Variants in CDH13 observed in about 807,000 individuals in gnomAD.
The protein encoded by CDH13 is cadherin 13, also known as cadherin-13.
CDH13 carries 24 observed loss-of-function variants against 63.8 expected under a neutral mutation model. The ratio of observed to expected loss-of-function variants is 0.38; its 90% CI spans 0.27 to 0.53. The LOEUF (loss-of-function observed/expected upper bound fraction) is 0.53. Among genes scored for constraint, CDH13 ranks in the 20% least tolerant of loss-of-function variants. The probability of loss-of-function intolerance (pLI) is 0.85; values close to 1 mark genes in which losing one functional copy is unlikely to be tolerated. For synonymous variants in CDH13, 503 were observed against 355.3 expected (o/e 1.42, Z -4.67); for missense variants, 1,049 against 903.1 (o/e 1.16, Z -2.07).
rs189070331 is a variant in CDH13 at position 82,716,168 on chromosome 16, C to T, written c.45+89031C>T. Among the ~76,000 whole-genome samples, 6 of 152,290 alleles carry T rather than the reference C, an allele frequency of 3.9e-5. No individual in the cohort carries two copies. The East Asian group carries it at 9.7e-4, about 25-fold the overall frequency. The stretch of plus-strand genomic sequence containing the variant: ...AGAGCCATGGCACTCCTCAATCCCC[C>T]GAGGAGCCTGGAAAAGACTTCCCTC... On this transcript the variant is annotated intron_variant, in intron 1 of 13. Transcript: ENST00000567109.
At chr16:83,414,627 T>C (rs9940088) in intron 6 of CDH13, among the ~76,000 whole-genome samples, 17,642 of 152,172 alleles carry the variant, frequency 0.12, 1,151 homozygotes, top group African/African-American at 0.18. Flanking sequence ...GTTTGGGTTA[T>C]ATGACTATTT....
chr16:83,251,582 T>C (rs1271490830), intron 5 of CDH13, among the ~76,000 whole-genome samples: 1 of 152,220 alleles, frequency 6.6e-6, no homozygotes, highest in African/African-American at 2.4e-5. Context: ...GAATCCTGAA[T>C]GTCAGGAGGC....
chr16:83,239,683 C>A lies in CDH13; in HGVS notation c.636+22186C>A, dbSNP rs929757876. On this transcript the variant is annotated intron_variant, in intron 5 of 13. Transcript: ENST00000567109. ...TCCACTTGTTCTACTCTCATTCACT[C>A]ACTGGCTAATTCAACAGATACCTAC... is the stretch of plus-strand genomic sequence containing the variant. 2.0e-5 allele frequency among the ~76,000 whole-genome samples: 3 copies of A among 152,208 alleles called. No individual in the cohort carries two copies. In the East Asian group the frequency reaches 5.8e-4, roughly 29 times the overall value.
chr16:82,720,841 C>A (rs530371226), intron 1 of CDH13, among the ~76,000 whole-genome samples: 4 of 152,168 alleles, frequency 2.6e-5, no homozygotes, highest in Non-Finnish European at 5.9e-5. Flanking sequence ...GCAAAAGGCC[C>A]TCGCCTGGCT....
At chr16:82,970,035 C>T (rs1386053372) in intron 2 of CDH13, among the ~76,000 whole-genome samples, 1 of 151,868 alleles carries the variant, frequency 6.6e-6, no homozygotes, top group Non-Finnish European at 1.5e-5. Flanking sequence ...TTTGCTGCAT[C>T]TGTCAATCCG....
At chr16:83,143,862 T>G (rs1003670000) in intron 4 of CDH13, among the ~76,000 whole-genome samples, 1 of 151,994 alleles carries the variant, frequency 6.6e-6, no homozygotes, top group Non-Finnish European at 1.5e-5. Context: ...TCCTTGGAAT[T>G]TGCTGCTTTG....
intron 7 of CDH13, among the ~76,000 whole-genome samples, chr16:83,510,398 C>G (rs1299359393): frequency 6.6e-6 from 1 of 152,082 alleles, no homozygotes; most frequent in Non-Finnish European, 1.5e-5. Context: ...CCTTCTGCAG[C>G]CCACAAAATG....
chr16:82,691,646 T>C (rs554216692), intron 1 of CDH13, among the ~76,000 whole-genome samples: 1 of 152,348 alleles, frequency 6.6e-6, no homozygotes, highest in African/African-American at 2.4e-5. Context: ...AAATACATTA[T>C]AAGCCTGTTG....
intron 6 of CDH13, among the ~76,000 whole-genome samples, chr16:83,391,277 C>T (rs961713558): frequency 6.6e-6 from 1 of 151,654 alleles, no homozygotes; most frequent in African/African-American, 2.4e-5. Flanking sequence ...ATGATCTTGG[C>T]TTACTGCAAC....
At chr16:82,785,578 A>C (rs891921430) in intron 1 of CDH13, among the ~76,000 whole-genome samples, 1 of 152,226 alleles carries the variant, frequency 6.6e-6, no homozygotes, top group Non-Finnish European at 1.5e-5. Context: ...TGATTTTAAT[A>C]ACATATACCA....
intron 2 of CDH13, chr16:82,925,885 G>A (rs979055645): frequency 1.3e-5 from 2 of 151,800 alleles, no homozygotes; most frequent in Non-Finnish European, 1.5e-5. Flanking sequence ...CCATCTGTTG[G>A]AACATTCTGT....
At chr16:82,854,819 A>C (rs934105136) in intron 1 of CDH13, among the ~76,000 whole-genome samples, 4 of 152,204 alleles carry the variant, frequency 2.6e-5, no homozygotes, top group African/African-American at 9.7e-5. Flanking sequence ...TGAATCACTT[A>C]AATTATGATT....
intron 4 of CDH13, among the ~76,000 whole-genome samples, chr16:83,185,074 C>T (rs1021213232): frequency 1.2e-4 from 18 of 151,936 alleles, no homozygotes; most frequent in Non-Finnish European, 2.2e-4. Flanking sequence ...CTGGTAAGGC[C>T]GATACTACTA....
chr16:82,965,926 C>G (rs1403079916), intron 2 of CDH13, among the ~76,000 whole-genome samples: 1 of 152,068 alleles, frequency 6.6e-6, no homozygotes, highest in Non-Finnish European at 1.5e-5. Flanking sequence ...GCATAGCTGC[C>G]CAGTGGAGAA....
chr16:83,497,214 A>G (rs1396881760), intron 7 of CDH13, among the ~76,000 whole-genome samples: 1 of 152,030 alleles, frequency 6.6e-6, no homozygotes, highest in African/African-American at 2.4e-5. Flanking sequence ...ATGCACACGT[A>G]TGTTTATTGC....
chr16:82,658,382 GAT>G lies in CDH13; in HGVS notation c.45+31247_45+31248del, dbSNP rs574442450. ...ATTTAGCTGTCCCATTTATGTGCTG[GAT>G]AACATCAATTGATTCTTAAATGTTC... On this transcript the variant is annotated intron_variant, in intron 1 of 13. Transcript: ENST00000567109. Among the ~76,000 whole-genome samples, 25 of 152,278 alleles carry G rather than the reference GAT, an allele frequency of 1.6e-4. No homozygotes were observed. The South Asian group carries it at 5.0e-3, about 30-fold the overall frequency.
intron 5 of CDH13, among the ~76,000 whole-genome samples, chr16:83,225,431 G>T (rs2039811419): frequency 6.6e-6 from 1 of 152,126 alleles, no homozygotes; most frequent in Non-Finnish European, 1.5e-5. Context: ...TTTGTCCCAG[G>T]CTTCCTTGCT....
chr16:83,258,667 C>T (rs112169563), intron 5 of CDH13, among the ~76,000 whole-genome samples: 62 of 152,288 alleles, frequency 4.1e-4, no homozygotes, highest in African/African-American at 1.3e-3. Flanking sequence ...AACTCATTAA[C>T]GCAAGAAGAG....
rs550910211 is a variant in CDH13 at position 82,990,772 on chromosome 16, C to G, written c.158-41238C>G. ...TGTTGCCTAGGCTGATTTTGAACTCCTGGTCTGAAGTGATCCATCTTGGCC... is the reference window on the plus strand; with the variant it reads ...TGTTGCCTAGGCTGATTTTGAACTCGTGGTCTGAAGTGATCCATCTTGGCC... On this transcript the variant is annotated intron_variant, in intron 2 of 13. Transcript: ENST00000567109. Among the ~76,000 whole-genome samples the G allele has an allele frequency of 9.5e-4, 145 of 152,160 alleles. 1 individual carries two copies. The highest frequency in any genetic ancestry group is 3.4e-3 in the African/African-American group (140 of 41,512).
Sources: allele counts gnomAD v4.1 joint callset (sites outside exome capture counted in the v4.1 genomes callset), GRCh38; gene constraint gnomAD v4.1.1; transcripts MANE v1.5; gene names NCBI Gene and HGNC (gene_info 2026-07-23, HGNC 2026-07-21).